The following CSMD1 variants were observed in gnomAD, a reference collection of about 807,000 sequenced individuals.
CSMD1 encodes the protein CUB and sushi domain-containing protein 1.
Under a neutral mutation model 417.5 loss-of-function variants are expected in CSMD1, and 213 were observed. The ratio of observed to expected loss-of-function variants is 0.51; its 90% CI spans 0.46 to 0.57. The LOEUF (loss-of-function observed/expected upper bound fraction) is 0.57, where lower values mean the gene tolerates loss of function less well. Ranked by LOEUF, CSMD1 falls within the 20% of genes least tolerant of loss-of-function variation. CSMD1 has a pLI of 0.00. For synonymous variants in CSMD1, 2,862 were observed against 1,736.8 expected (o/e 1.65, Z -16.11); for missense variants, 6,923 against 4,529.7 (o/e 1.53, Z -15.17).
At chr8:4,484,235 T>C (rs528910044) in intron 2 of CSMD1, among the ~76,000 whole-genome samples, 26 of 152,300 alleles carry the variant, frequency 1.7e-4, no homozygotes, top group African/African-American at 5.8e-4. Flanking sequence ...TCTGATTGTT[T>C]TCAAAAATTC....
At chr8:3,727,662 AC>A (rs1563316089) in intron 6 of CSMD1, among the ~76,000 whole-genome samples, 1 of 152,234 alleles carries the variant, frequency 6.6e-6, no homozygotes, top group African/African-American at 2.4e-5. Context: ...AGATGTTTTT[AC>A]ACTCAAGTTT....
intron 1 of CSMD1, among the ~76,000 whole-genome samples, chr8:4,901,422 T>C (rs2117044807): frequency 6.6e-6 from 1 of 152,332 alleles, no homozygotes; most frequent in Middle Eastern, 3.4e-3. Context: ...GCTTCTTCCA[T>C]TATTCAAGTT....
chr8:4,022,720 T>C lies in CSMD1; in HGVS notation c.610+9185A>G, dbSNP rs1406836117. ...GGGATATTGAAAAGCTGTGGTGAAG[T>C]GACAACTCACTGGATGAACAGACAA... On this transcript the variant is annotated intron_variant, in intron 4 of 69. Coordinates refer to ENST00000635120, the MANE Select transcript of CSMD1 (RefSeq NM_033225.6). Among the ~76,000 whole-genome samples, 4 of 152,216 alleles carry C rather than the reference T, an allele frequency of 2.6e-5. No homozygotes were observed. In the East Asian group the frequency reaches 7.7e-4, roughly 29 times the overall value.
intron 69 of CSMD1, among the ~76,000 whole-genome samples, chr8:2,941,260 A>C (rs954563328): frequency 9.2e-5 from 14 of 152,182 alleles, no homozygotes; most frequent in Admixed American, 9.2e-4. Context: ...TTGAAGCAAC[A>C]TTTTCTCTAC....
At chr8:3,367,559 TG>T (rs1466133232) in intron 19 of CSMD1, among the ~76,000 whole-genome samples, 1 of 152,136 alleles carries the variant, frequency 6.6e-6, no homozygotes, top group Non-Finnish European at 1.5e-5. Context: ...AATATTAAAA[TG>T]TTATCTTGAT....
chr8:3,273,575 G>T (rs376301888), intron 26 of CSMD1, among the ~76,000 whole-genome samples: 2 of 152,110 alleles, frequency 1.3e-5, no homozygotes, highest in Admixed American at 6.5e-5. Flanking sequence ...ACTCTTTTTC[G>T]TTGGTAAGCT....
At chr8:3,568,489 T>G (rs1409534379) in intron 10 of CSMD1, among the ~76,000 whole-genome samples, 1 of 151,936 alleles carries the variant, frequency 6.6e-6, no homozygotes, top group African/African-American at 2.4e-5. Context: ...ATCCTCAGAG[T>G]TTTTAATGAG....
intron 2 of CSMD1, among the ~76,000 whole-genome samples, chr8:4,475,064 C>G (rs908496189): frequency 8.5e-5 from 13 of 152,092 alleles, no homozygotes; most frequent in Admixed American, 2.0e-4. Flanking sequence ...CTGTGTTATT[C>G]AAGGATTAAC....
rs1802471760 is a variant in CSMD1 at position 2,949,416 on chromosome 8, T to TA, written c.10315-31dup. 2.5e-5 allele frequency: 5 copies of TA among 200,186 alleles called. No homozygotes were observed. The Admixed American group carries it at 4.1e-4, about 17-fold the overall frequency. The allele number at this position is 200,186 out of a possible 1,614,324, so 12.4% of individuals were successfully genotyped here. Reference sequence around the variant, plus strand: ...CACATAGGAAAGAAAAGAAAAGAAATAAAAAGGTATACGAAGGGATGAATA... The same window carrying TA: ...CACATAGGAAAGAAAAGAAAAGAAATAAAAAAGGTATACGAAGGGATGAATA... On this transcript the variant is annotated intron_variant, in intron 67 of 69. Coordinates refer to ENST00000635120, the MANE Select transcript of CSMD1 (RefSeq NM_033225.6).
At chr8:3,156,215 G>C (rs1024843310) in intron 39 of CSMD1, among the ~76,000 whole-genome samples, 1 of 152,180 alleles carries the variant, frequency 6.6e-6, no homozygotes, top group Non-Finnish European at 1.5e-5. Flanking sequence ...AGTATGGCAT[G>C]TTTGAGGCTG....
chr8:3,002,649 CT>C (rs1427167894), intron 52 of CSMD1, among the ~76,000 whole-genome samples: 2 of 152,282 alleles, frequency 1.3e-5, no homozygotes, highest in African/African-American at 4.8e-5. Flanking sequence ...AACAGGACTC[CT>C]TTTAAACCTT....
At chr8:3,387,923 T>C (rs1396704981) in intron 17 of CSMD1, among the ~76,000 whole-genome samples, 2 of 152,220 alleles carry the variant, frequency 1.3e-5, no homozygotes, top group Non-Finnish European at 2.9e-5. Context: ...TACAACAACC[T>C]TGAATAATTA....
chr8:2,988,250 C>T (rs1439133154), intron 54 of CSMD1, among the ~76,000 whole-genome samples: 1 of 152,086 alleles, frequency 6.6e-6, no homozygotes, highest in Non-Finnish European at 1.5e-5. Flanking sequence ...AGAACATTCA[C>T]TAACCCCATA....
chr8:3,995,542 G>A (rs17330527), intron 5 of CSMD1, among the ~76,000 whole-genome samples: 1 of 152,194 alleles, frequency 6.6e-6, no homozygotes, highest in African/African-American at 2.4e-5. Flanking sequence ...CACTGACTGA[G>A]GGGCTATACA....
At chr8:4,218,942 A>C (rs1800855668) in intron 3 of CSMD1, among the ~76,000 whole-genome samples, 1 of 152,160 alleles carries the variant, frequency 6.6e-6, no homozygotes, top group Non-Finnish European at 1.5e-5. Flanking sequence ...TTCTCTGAGC[A>C]ATGCTATTTT....
intron 1 of CSMD1, among the ~76,000 whole-genome samples, chr8:4,930,694 T>G (rs1416684904): frequency 6.6e-6 from 1 of 152,186 alleles, no homozygotes; most frequent in Admixed American, 6.5e-5. Context: ...GTTTAGGTCG[T>G]TTATATTGTG....
At chr8:4,316,153 C>T (rs12679077) in intron 3 of CSMD1, among the ~76,000 whole-genome samples, 75,212 of 152,060 alleles carry the variant, frequency 0.49, 21,187 homozygotes, top group Admixed American at 0.68. Context: ...AATCCAAATA[C>T]TCCCTTTCAA....
chr8:4,986,614 C>A (rs1811192026), intron 1 of CSMD1, among the ~76,000 whole-genome samples: 1 of 151,880 alleles, frequency 6.6e-6, no homozygotes, highest in Non-Finnish European at 1.5e-5. Flanking sequence ...AAATAATTCA[C>A]TCGAACAGTA....
intron 5 of CSMD1, among the ~76,000 whole-genome samples, chr8:3,784,946 C>A (rs1213174436): frequency 6.6e-6 from 1 of 152,170 alleles, no homozygotes. Flanking sequence ...CTAAAATATA[C>A]TGCTGTAGAA....
Sources: allele counts gnomAD v4.1 joint callset (sites outside exome capture counted in the v4.1 genomes callset), GRCh38; gene constraint gnomAD v4.1.1; transcripts MANE v1.5; gene names NCBI Gene and HGNC (gene_info 2026-07-23, HGNC 2026-07-21).